SIL1: variants seen among roughly 807,000 people sequenced by gnomAD.
SIL1 encodes the protein SIL1 nucleotide exchange factor.
In SIL1, 40 loss-of-function variants were observed where a neutral mutation model predicts 49.1. That is an observed-to-expected ratio of 0.81 (90% CI 0.63 to 1.06). The LOEUF (loss-of-function observed/expected upper bound fraction) is 1.06. Among genes scored for constraint, SIL1 ranks in the 50% least tolerant of loss-of-function variants. The pLI is 0.00. For synonymous variants in SIL1, 253 were observed against 250.8 expected, an observed-to-expected ratio of 1.01 and a Z score of -0.08; for missense variants, 500 against 572.6, an observed-to-expected ratio of 0.87 and a Z score of 1.29.
At chr5:138,987,428 C>T (rs959331997) in intron 7 of SIL1, among the ~76,000 whole-genome samples, 8 of 152,040 alleles carry the variant, frequency 5.3e-5, no homozygotes, top group African/African-American at 1.9e-4. Context: ...CATTCTGGGA[C>T]CAGAGGACTT....
intron 3 of SIL1, among the ~76,000 whole-genome samples, chr5:139,106,854 A>G (rs1770723899): frequency 1.3e-5 from 2 of 152,384 alleles, no homozygotes; most frequent in East Asian, 3.9e-4. Flanking sequence ...CAGGAAAGAA[A>G]ATAATAAATT....
At chr5:138,996,053 C>T (rs1051521684) in intron 7 of SIL1, among the ~76,000 whole-genome samples, 8 of 152,096 alleles carry the variant, frequency 5.3e-5, no homozygotes, top group African/African-American at 1.9e-4. Context: ...GGACATACAC[C>T]CAGCAGAATT....
At position 138,951,336 on chromosome 5, in the gene SIL1, C is replaced by CTGG. The variant is rs750834100; in HGVS notation, c.865-4_865-2dup. 17 of 1,553,004 alleles carry CTGG rather than the reference C, an allele frequency of 1.1e-5. No individual in the cohort carries two copies. The South Asian group carries it at 2.0e-4, about 18-fold the overall frequency. On this transcript the variant is annotated splice_acceptor_variant, in intron 8 of 9. Coordinates refer to ENST00000394817, the MANE Select transcript of SIL1 (RefSeq NM_022464.5). LOFTEE classifies it high-confidence loss of function. The stretch of plus-strand genomic sequence containing the variant: ...GCAGGGAGCACAGTGCAAACAGGAC[C>CTGG]TGGGGGCACAGACCCAGGGGTAGGT...
At chr5:139,133,146 C>G (rs1750900676) in intron 1 of SIL1, among the ~76,000 whole-genome samples, 1 of 152,140 alleles carries the variant, frequency 6.6e-6, no homozygotes, top group Non-Finnish European at 1.5e-5. Context: ...CCTCTTCTGA[C>G]ATAAAATACC....
intron 7 of SIL1, among the ~76,000 whole-genome samples, chr5:138,965,654 A>C (rs1767123702): frequency 6.7e-6 from 1 of 150,262 alleles, no homozygotes; most frequent in Non-Finnish European, 1.5e-5. Flanking sequence ...GAGGGGCAGG[A>C]GATCCTGGGA....
chr5:139,095,834 TAAAAAAAA>T (rs879743692), intron 3 of SIL1, among the ~76,000 whole-genome samples: 3 of 142,124 alleles, frequency 2.1e-5, no homozygotes, highest in Non-Finnish European at 4.6e-5. Flanking sequence ...TGTCAAAATT[TAAAAAAAA>T]AAAAAATTTA....
At chr5:139,188,477 A>T (rs187416293) in intron 1 of SIL1, among the ~76,000 whole-genome samples, 1 of 152,254 alleles carries the variant, frequency 6.6e-6, no homozygotes, top group Admixed American at 6.5e-5. Flanking sequence ...GTCTATAGTC[A>T]TAGTGCTTGG....
chr5:139,164,325 G>GA (rs1751576054), intron 1 of SIL1, among the ~76,000 whole-genome samples: 3 of 152,082 alleles, frequency 2.0e-5, no homozygotes, highest in East Asian at 3.9e-4. Flanking sequence ...AGAGGGAAGA[G>GA]AAAAAACAGT....
chr5:139,100,785 G>A (rs1207700551), intron 3 of SIL1, among the ~76,000 whole-genome samples: 1 of 152,080 alleles, frequency 6.6e-6, no homozygotes. Flanking sequence ...AAAATTAAAG[G>A]GATAGAATAG....
chr5:139,056,291 G>T (rs1381241796), intron 3 of SIL1, among the ~76,000 whole-genome samples: 5 of 144,238 alleles, frequency 3.5e-5, no homozygotes, highest in African/African-American at 1.3e-4. Context: ...GCCGCCCATC[G>T]TCTGAGATGT....
chr5:139,005,204 A>G (rs1212432939), intron 7 of SIL1, among the ~76,000 whole-genome samples: 1 of 151,984 alleles, frequency 6.6e-6, no homozygotes, highest in East Asian at 1.9e-4. Flanking sequence ...ATTTTGAAAT[A>G]TCATGTTTTA....
intron 1 of SIL1, among the ~76,000 whole-genome samples, chr5:139,166,519 T>C (rs1460353837): frequency 6.6e-6 from 1 of 152,102 alleles, no homozygotes; most frequent in African/African-American, 2.4e-5. Flanking sequence ...AAAATAGGCG[T>C]GGTGATGAGT....
intron 6 of SIL1, among the ~76,000 whole-genome samples, chr5:139,023,232 C>A (rs559881391): frequency 5.9e-5 from 9 of 152,152 alleles, no homozygotes; most frequent in Non-Finnish European, 8.8e-5. Flanking sequence ...CTGGGCCCCC[C>A]CCTGGTGACA....
intron 7 of SIL1, among the ~76,000 whole-genome samples, chr5:138,993,530 C>CGT (rs1767800208): frequency 6.6e-6 from 1 of 152,158 alleles, no homozygotes; most frequent in South Asian, 2.1e-4. Context: ...CAATGGAATA[C>CGT]GGCAAAGGTG....
At chr5:139,082,578 GGT>G (rs1770107640) in intron 3 of SIL1, among the ~76,000 whole-genome samples, 4 of 152,162 alleles carry the variant, frequency 2.6e-5, no homozygotes, top group Non-Finnish European at 4.4e-5. Context: ...GGTGGAGACT[GGT>G]ATAATAATGG....
At chr5:139,169,472 ATAGATT>A (rs1751690851) in intron 1 of SIL1, among the ~76,000 whole-genome samples, 1 of 133,868 alleles carries the variant, frequency 7.5e-6, no homozygotes, top group African/African-American at 3.0e-5. Flanking sequence ...GTGTATATAG[ATAGATT>A]TTTTTTTTTT....
chr5:139,136,132 T>C (rs941400633), intron 1 of SIL1, among the ~76,000 whole-genome samples: 3 of 152,098 alleles, frequency 2.0e-5, no homozygotes, highest in Non-Finnish European at 4.4e-5. Flanking sequence ...AGCCTGGCCC[T>C]CTCCAGATCT....
At chr5:139,146,965 A>C (rs1328910833) in intron 1 of SIL1, among the ~76,000 whole-genome samples, 1 of 152,208 alleles carries the variant, frequency 6.6e-6, no homozygotes, top group African/African-American at 2.4e-5. Flanking sequence ...GTAAATATGA[A>C]TTGCCTGAGT....
intron 7 of SIL1, among the ~76,000 whole-genome samples, chr5:138,974,399 T>C (rs188115838): frequency 2.1e-4 from 32 of 152,348 alleles, no homozygotes; most frequent in African/African-American, 7.7e-4. Flanking sequence ...ACATCACCAC[T>C]GGCAGGACTG....
Sources: gnomAD v4.1 joint callset for allele counts (sites outside exome capture counted in the v4.1 genomes callset) on GRCh38, gnomAD v4.1.1 for gene constraint, MANE v1.5 for transcripts, NCBI Gene and HGNC (gene_info 2026-07-23, HGNC 2026-07-21) for gene names.